DNM3: variants seen among roughly 807,000 people sequenced by gnomAD.
DNM3 encodes dynamin 3, also known as dynamin-3.
A neutral mutation model predicts 101.6 loss-of-function variants in DNM3; 47 were observed. That is an observed-to-expected ratio of 0.46 (90% CI 0.37 to 0.59). The LOEUF (loss-of-function observed/expected upper bound fraction) is 0.59, where lower values mean the gene tolerates loss of function less well. DNM3 is among the 20% of genes least tolerant of loss of function. DNM3 has a pLI of 0.00. For synonymous variants in DNM3, 385 were observed against 387.9 expected, an observed-to-expected ratio of 0.99 and a Z score of 0.09; for missense variants, 849 against 1,085.7, an observed-to-expected ratio of 0.78 and a Z score of 3.06.
chr1:172,323,202 T>C (rs2065797622), intron 16 of DNM3, 127 bp from the exon 17 acceptor site: 2 of 974,390 alleles, frequency 2.1e-6, no homozygotes, highest in Non-Finnish European at 2.9e-6. Context: ...GATTTCACTC[T>C]AGCAAGAAAA....
chr1:172,188,961 T>G (rs1242187462), intron 14 of DNM3, among the ~76,000 whole-genome samples: 1 of 114,142 alleles, frequency 8.8e-6, no homozygotes, highest in African/African-American at 4.7e-5. Context: ...GATTTTCTCC[T>G]ATGTTATTTT....
chr1:172,063,080 C>A (rs949625783), intron 10 of DNM3, among the ~76,000 whole-genome samples: 2 of 152,140 alleles, frequency 1.3e-5, no homozygotes, highest in African/African-American at 4.8e-5. Flanking sequence ...AGGTTTATAG[C>A]TTTTTCATAA....
At chr1:172,178,912 G>A (rs969631682) in intron 14 of DNM3, among the ~76,000 whole-genome samples, 4 of 151,856 alleles carry the variant, frequency 2.6e-5, no homozygotes, top group African/African-American at 7.2e-5. Context: ...TGTCTCTATC[G>A]CTTTATGTCT....
chr1:171,978,432 G>A (rs1046200849), intron 2 of DNM3, among the ~76,000 whole-genome samples: 3 of 152,118 alleles, frequency 2.0e-5, no homozygotes, highest in African/African-American at 7.2e-5. Flanking sequence ...GAGGTAGGAA[G>A]GGACTTGGTG....
intron 4 of DNM3, among the ~76,000 whole-genome samples, chr1:171,996,914 C>T (rs2046034804): frequency 6.6e-6 from 1 of 151,944 alleles, no homozygotes; most frequent in African/African-American, 2.4e-5. Flanking sequence ...TGCCTGTAGT[C>T]CCACCTACTT....
At chr1:172,349,829 A>G (rs2067115728) in intron 17 of DNM3, among the ~76,000 whole-genome samples, 1 of 152,160 alleles carries the variant, frequency 6.6e-6, no homozygotes, top group Non-Finnish European at 1.5e-5. Context: ...TTAAGTCATT[A>G]TATGGTTGAG....
chr1:172,225,998 C>A (rs1433770323), intron 14 of DNM3, among the ~76,000 whole-genome samples: 1 of 151,982 alleles, frequency 6.6e-6, no homozygotes, highest in Admixed American at 6.6e-5. Flanking sequence ...ACACAGTGTA[C>A]TTTTGTATGA....
chr1:172,380,371 G>A (rs1005793750), intron 18 of DNM3, among the ~76,000 whole-genome samples: 6 of 151,924 alleles, frequency 3.9e-5, no homozygotes, highest in South Asian at 2.1e-4. Context: ...ACGACAGTCC[G>A]TTCATTGTCC....
intron 13 of DNM3, among the ~76,000 whole-genome samples, chr1:172,094,178 G>C (rs548122502): frequency 6.6e-6 from 1 of 151,980 alleles, no homozygotes; most frequent in Non-Finnish European, 1.5e-5. Context: ...TGATTTTGCT[G>C]TGTTTGTTGA....
In DNM3 at chr1:171,911,882, C is replaced by T. The variant is rs140586870; in HGVS notation, c.162-9866C>T. 1.8e-3 allele frequency among the ~76,000 whole-genome samples: 267 copies of T among 152,066 alleles called. 1 individual carries two copies. Among genetic ancestry groups the T allele is most frequent in the Middle Eastern group, 0.01 (3 of 294 alleles). ...GAAGACAAACTTTTCTAGTCACTGT[C>T]GTGTCAAAGAAAAGTCTGAGATTCA... On this transcript the variant is annotated intron_variant, in intron 1 of 20. Coordinates refer to ENST00000627582, the MANE Select transcript of DNM3 (RefSeq NM_015569.5).
At chr1:172,401,593 G>A (rs559272859) in intron 20 of DNM3, among the ~76,000 whole-genome samples, 2 of 152,204 alleles carry the variant, frequency 1.3e-5, no homozygotes, top group South Asian at 4.1e-4. Flanking sequence ...CATTTTCACA[G>A]GGGAAAGAAA....
At chr1:172,184,039 T>C (rs2059440392) in intron 14 of DNM3, among the ~76,000 whole-genome samples, 1 of 152,002 alleles carries the variant, frequency 6.6e-6, no homozygotes, top group African/African-American at 2.4e-5. Context: ...AAGTAATAGC[T>C]TGACCTTGGA....
intron 2 of DNM3, among the ~76,000 whole-genome samples, chr1:171,944,463 C>G (rs1175127381): frequency 6.6e-6 from 1 of 151,746 alleles, no homozygotes; most frequent in Non-Finnish European, 1.5e-5. Context: ...GCAACCTCTG[C>G]TTCCCAGGCT....
chr1:172,290,620 G>A (rs55823480), intron 15 of DNM3, among the ~76,000 whole-genome samples: 1 of 152,206 alleles, frequency 6.6e-6, no homozygotes, highest in African/African-American at 2.4e-5. Flanking sequence ...CAATCTCTGT[G>A]GCTTCTTTGT....
intron 1 of DNM3, among the ~76,000 whole-genome samples, chr1:171,873,192 T>A (rs2035455988): frequency 6.6e-6 from 1 of 152,212 alleles, no homozygotes; most frequent in Non-Finnish European, 1.5e-5. Context: ...AGTGACACAT[T>A]TCTCATCAGA....
intron 2 of DNM3, among the ~76,000 whole-genome samples, chr1:171,937,658 C>A (rs962760029): frequency 3.9e-5 from 6 of 152,208 alleles, no homozygotes; most frequent in African/African-American, 1.2e-4. Context: ...CAACCTTGAT[C>A]TCCCAGGCTC....
At chr1:172,167,497 T>C (rs1387752418) in intron 14 of DNM3, among the ~76,000 whole-genome samples, 1 of 152,094 alleles carries the variant, frequency 6.6e-6, no homozygotes, top group Non-Finnish European at 1.5e-5. Flanking sequence ...GTCACCACAC[T>C]GTCTTCCACC....
At chr1:172,048,776 A>G in intron 10 of DNM3, 26 bp downstream of exon 10, 1 of 1,606,344 alleles carries the variant, frequency 6.2e-7, no homozygotes, top group Middle Eastern at 1.7e-4. Flanking sequence ...TTAACTTTCC[A>G]GTACGTGGCT....
At chr1:172,051,832 C>A (rs1022107577) in intron 10 of DNM3, among the ~76,000 whole-genome samples, 4 of 152,164 alleles carry the variant, frequency 2.6e-5, no homozygotes, top group Admixed American at 2.6e-4. Flanking sequence ...TTCAGTTCCA[C>A]TTGGATTAAC....
Sources: gnomAD v4.1 joint callset for allele counts (sites outside exome capture counted in the v4.1 genomes callset) on GRCh38, gnomAD v4.1.1 for gene constraint, MANE v1.5 for transcripts, NCBI Gene and HGNC (gene_info 2026-07-23, HGNC 2026-07-21) for gene names.